Variants in SSBP3 observed in about 807,000 individuals in gnomAD.
SSBP3 encodes the protein single-stranded DNA-binding protein 3.
In SSBP3, 5 loss-of-function variants were observed where a neutral mutation model predicts 69.6. The ratio of observed to expected loss-of-function variants is 0.07; its 90% CI spans 0.04 to 0.15. SSBP3 has a LOEUF of 0.15. Among genes scored for constraint, SSBP3 ranks in the 10% least tolerant of loss-of-function variants. The probability of loss-of-function intolerance (pLI) is 1.00; values close to 1 mark genes in which losing one functional copy is unlikely to be tolerated. For synonymous variants in SSBP3, 196 were observed against 193.4 expected (o/e 1.01, Z -0.11); for missense variants, 312 against 534.0 (o/e 0.58, Z 4.10).
chr1:54,269,685 G>A (rs570422494), intron 5 of SSBP3, among the ~76,000 whole-genome samples: 4 of 152,340 alleles, frequency 2.6e-5, no homozygotes, highest in South Asian at 4.1e-4. Flanking sequence ...GAGAGGAGAA[G>A]GCTGCAGCCT....
chr1:54,288,426 G>C (rs1429624250), intron 4 of SSBP3, among the ~76,000 whole-genome samples: 1 of 152,162 alleles, frequency 6.6e-6, no homozygotes, highest in Non-Finnish European at 1.5e-5. Context: ...GCCTCAACCT[G>C]TCAGGGCCAG....
intron 4 of SSBP3, among the ~76,000 whole-genome samples, chr1:54,290,929 A>G (rs1645594050): frequency 6.6e-6 from 1 of 152,288 alleles, no homozygotes; most frequent in East Asian, 1.9e-4. Flanking sequence ...AGCAAAACAC[A>G]CACACACGCA....
chr1:54,412,913 A>G (rs997610601), intron 1 of SSBP3: 2 of 152,102 alleles, frequency 1.3e-5, no homozygotes, highest in Non-Finnish European at 2.9e-5. Context: ...CAGAGTTTCA[A>G]CATGTTAGCC....
At chr1:54,406,585 C>T (rs1200991902), upstream of SSBP3, among the ~76,000 whole-genome samples, 1 of 151,852 alleles carries the variant, frequency 6.6e-6, no homozygotes, top group African/African-American at 2.4e-5. Flanking sequence ...CTGCCTGCTC[C>T]TGCAGGCGAA....
At chr1:54,384,283 G>A (rs1354458073) in intron 4 of SSBP3, among the ~76,000 whole-genome samples, 1 of 152,166 alleles carries the variant, frequency 6.6e-6, no homozygotes, top group African/African-American at 2.4e-5. Flanking sequence ...ACCTACTTCA[G>A]AAAAGAAAGG....
At position 54,276,620 on chromosome 1, in the gene SSBP3, A is replaced by C. The variant is rs1182102637; in HGVS notation, c.366+4818T>G. Among the ~76,000 whole-genome samples the C allele has an allele frequency of 2.0e-5, 3 of 150,482 alleles. 1 individual carries two copies. Among genetic ancestry groups the C allele is most frequent in the Admixed American group, 2.0e-4 (3 of 15,140 alleles). ...TGAGACTCTGTCTCAAAAAAAAAAA[A>C]AAAAAAAAAAAAAGGTGTCAGCTAC... On this transcript the variant is annotated intron_variant, in intron 5 of 17. Transcript: ENST00000610401.
chr1:54,337,485 C>CTTTTTTTTTTTTTTTGTTTTT (rs1646529445), intron 4 of SSBP3, among the ~76,000 whole-genome samples: 1 of 51,134 alleles, frequency 2.0e-5, no homozygotes, highest in African/African-American at 9.8e-5. Context: ...TTTCCTCAAG[C>CTTTTTTTTTTTTTTTGTTTTT]TTTTTTTTTT....
At chr1:54,240,261 C>A (rs1335917611) in intron 13 of SSBP3, among the ~76,000 whole-genome samples, 8 of 151,198 alleles carry the variant, frequency 5.3e-5, no homozygotes, top group Non-Finnish European at 1.2e-4. Context: ...GAGTTCAAGG[C>A]CAGCCTGGGT....
intron 15 of SSBP3, 120 bp downstream of exon 15, chr1:54,228,628 T>C: frequency 2.7e-6 from 4 of 1,474,370 alleles, no homozygotes; most frequent in Non-Finnish European, 3.7e-6. Flanking sequence ...CTCAGGATCG[T>C]CCTGTGTGCC....
At chr1:54,373,725 C>G (rs1283262241) in intron 4 of SSBP3, among the ~76,000 whole-genome samples, 1 of 151,450 alleles carries the variant, frequency 6.6e-6, no homozygotes, top group East Asian at 1.9e-4. Context: ...CGAGATTGCA[C>G]CACTGCACTC....
chr1:54,264,757 G>A (rs746688655), intron 5 of SSBP3, among the ~76,000 whole-genome samples: 2 of 152,158 alleles, frequency 1.3e-5, no homozygotes, highest in Non-Finnish European at 1.5e-5. Flanking sequence ...AGCCAAATCC[G>A]CCTTTTGTCT....
At chr1:54,245,406 CTGGCGGG>C (rs1171698359) in intron 9 of SSBP3, among the ~76,000 whole-genome samples, 2 of 152,192 alleles carry the variant, frequency 1.3e-5, no homozygotes, top group Admixed American at 1.3e-4. Context: ...AGCCAAGAAA[CTGGCGGG>C]AGGCGGGTGG....
chr1:54,338,012 G>A (rs762705590), intron 4 of SSBP3, among the ~76,000 whole-genome samples: 7 of 152,090 alleles, frequency 4.6e-5, no homozygotes, highest in South Asian at 2.1e-4. Context: ...GTCCCAGGCC[G>A]ACTGAGAAAT....
intron 4 of SSBP3, among the ~76,000 whole-genome samples, chr1:54,298,523 G>C (rs914419086): frequency 6.6e-6 from 1 of 152,190 alleles, no homozygotes; most frequent in African/African-American, 2.4e-5. Context: ...AGGCCACCCG[G>C]CTCCAGGAGA....
At chr1:54,382,748 G>C (rs1021059164) in intron 4 of SSBP3, among the ~76,000 whole-genome samples, 11 of 152,006 alleles carry the variant, frequency 7.2e-5, no homozygotes, top group Non-Finnish European at 2.9e-5. Context: ...CACTTTAGGA[G>C]ACTGAGGCAG....
intron 4 of SSBP3, among the ~76,000 whole-genome samples, chr1:54,318,143 T>C (rs563707506): frequency 1.3e-5 from 2 of 152,146 alleles, no homozygotes; most frequent in Admixed American, 6.5e-5. Flanking sequence ...GTAAAGACTT[T>C]GAACCAAGGC....
chr1:54,313,435 CTTTTTTTTTT>C (rs752753963), intron 4 of SSBP3, among the ~76,000 whole-genome samples: 15 of 86,426 alleles, frequency 1.7e-4, no homozygotes, highest in East Asian at 6.7e-4. Flanking sequence ...TGTGCCTGTG[CTTTTTTTTTT>C]TTTTTTTTTT....
At chr1:54,277,224 C>G (rs1263499038) in intron 5 of SSBP3, among the ~76,000 whole-genome samples, 10 of 151,962 alleles carry the variant, frequency 6.6e-5, no homozygotes, top group Non-Finnish European at 1.5e-4. Flanking sequence ...GTAGACATTG[C>G]CAGTCACTAT....
At position 54,337,485 on chromosome 1, in the gene SSBP3, C is replaced by CTTTTTT. The variant is rs869039822; in HGVS notation, c.277-55964_277-55959dup. Among the ~76,000 whole-genome samples, 85 of 51,168 alleles carry CTTTTTT rather than the reference C, an allele frequency of 1.7e-3. 13 individuals carry two copies. The highest frequency in any genetic ancestry group is 4.9e-3 in the African/African-American group (50 of 10,178). The allele number at this position is 51,168 out of a possible 152,430, so 33.6% of individuals were successfully genotyped here. The stretch of plus-strand genomic sequence containing the variant: ...ACCAAAGCATTTTGTTTTCCTCAAG[C>CTTTTTT]TTTTTTTTTTTTTTTTTTTTTTTTT... On this transcript the variant is annotated intron_variant, in intron 4 of 17. Coordinates refer to ENST00000610401, the Ensembl canonical transcript of SSBP3.
Sources: allele counts gnomAD v4.1 joint callset (sites outside exome capture counted in the v4.1 genomes callset), GRCh38; gene constraint gnomAD v4.1.1; transcripts MANE v1.5; gene names NCBI Gene and HGNC (gene_info 2026-07-23, HGNC 2026-07-21).